The following PRR16 variants were observed in gnomAD, a reference collection of about 807,000 sequenced individuals.
The protein encoded by PRR16 is proline rich 16.
A neutral mutation model predicts 18.2 loss-of-function variants in PRR16; 6 were observed. The observed-to-expected ratio is 0.33, with a 90% CI of 0.18 to 0.65. The LOEUF (loss-of-function observed/expected upper bound fraction) is 0.65. PRR16 is among the 30% of genes least tolerant of loss of function. PRR16 has a pLI of 0.74. For synonymous variants in PRR16, 151 were observed against 147.8 expected (o/e 1.02, Z -0.16); for missense variants, 412 against 376.6 (o/e 1.09, Z -0.78).
intron 1 of PRR16, among the ~76,000 whole-genome samples, chr5:120,564,830 C>T (rs1752685141): frequency 6.6e-6 from 1 of 151,778 alleles, no homozygotes; most frequent in Non-Finnish European, 1.5e-5. Context: ...ACTAAAAATA[C>T]AAAAAATCAG....
intron 1 of PRR16, among the ~76,000 whole-genome samples, chr5:120,567,598 C>T (rs1752777240): frequency 6.6e-6 from 1 of 152,092 alleles, no homozygotes; most frequent in African/African-American, 2.4e-5. Flanking sequence ...TGGGAGGTGA[C>T]TGGATCATGG....
intron 1 of PRR16, among the ~76,000 whole-genome samples, chr5:120,558,791 A>G (rs1752491695): frequency 6.6e-6 from 1 of 151,922 alleles, no homozygotes; most frequent in African/African-American, 2.4e-5. Context: ...CCTTATCTCC[A>G]CATCCTTTCC....
chr5:120,687,775 AAAAGAAAGAGAAGAAATCTTTCC>A (rs1757164493), downstream of PRR16, among the ~76,000 whole-genome samples: 1 of 152,230 alleles, frequency 6.6e-6, no homozygotes, highest in Admixed American at 6.5e-5. Flanking sequence ...GCTGTCTTCT[AAAAGAAAGAGAAGAAATCTTTCC>A]TTCTAACATC....
the PRR16 span, among the ~76,000 whole-genome samples, chr5:120,719,851 G>A: frequency 6.6e-6 from 1 of 151,914 alleles, no homozygotes; most frequent in South Asian, 2.1e-4. Context: ...ATTTATGTTA[G>A]GTGAGAATGA....
At chr5:120,500,118 G>C (rs181281289) in intron 1 of PRR16, among the ~76,000 whole-genome samples, 69 of 152,170 alleles carry the variant, frequency 4.5e-4, no homozygotes, top group African/African-American at 1.5e-3. Flanking sequence ...GTCTTTTGCT[G>C]GTGCACATGA....
chr5:120,758,974 C>CTTT, the PRR16 span, among the ~76,000 whole-genome samples: 105 of 110,346 alleles, frequency 9.5e-4, no homozygotes, highest in Middle Eastern at 7.2e-3. Flanking sequence ...ACCATAATTT[C>CTTT]TTTTTTTTTT....
At chr5:120,740,846 T>C in the PRR16 span, among the ~76,000 whole-genome samples, 2 of 152,162 alleles carry the variant, frequency 1.3e-5, no homozygotes, top group Non-Finnish European at 2.9e-5. Context: ...TTTTTATTTT[T>C]CTGTACTTTA....
At chr5:120,614,895 T>G (rs1309303125) in intron 1 of PRR16, among the ~76,000 whole-genome samples, 1 of 152,190 alleles carries the variant, frequency 6.6e-6, no homozygotes, top group Non-Finnish European at 1.5e-5. Context: ...AGCAGCTTGC[T>G]CTGCTGCTGT....
intron 1 of PRR16, among the ~76,000 whole-genome samples, chr5:120,500,819 A>C (rs781477888): frequency 6.6e-6 from 1 of 152,178 alleles, no homozygotes; most frequent in Non-Finnish European, 1.5e-5. Context: ...AAGCATGACA[A>C]AGTAAATCCA....
At chr5:120,772,037 G>C in the PRR16 span, among the ~76,000 whole-genome samples, 1 of 151,802 alleles carries the variant, frequency 6.6e-6, no homozygotes, top group South Asian at 2.1e-4. Flanking sequence ...TATTTTCCAA[G>C]GATTTTAAAT....
At chr5:120,721,268 G>A in the PRR16 span, among the ~76,000 whole-genome samples, 1 of 151,870 alleles carries the variant, frequency 6.6e-6, no homozygotes, top group Non-Finnish European at 1.5e-5. Context: ...ATCTTAGGGG[G>A]AAACATAATC....
chr5:120,740,227 A>G, the PRR16 span, among the ~76,000 whole-genome samples: 1 of 152,046 alleles, frequency 6.6e-6, no homozygotes, highest in African/African-American at 2.4e-5. Context: ...CTTCTTACTG[A>G]CCCATTCTCT....
At chr5:120,689,759 GTTT>G (rs201079686), downstream of PRR16, among the ~76,000 whole-genome samples, 1 of 144,380 alleles carries the variant, frequency 6.9e-6, no homozygotes, top group Non-Finnish European at 1.5e-5. Flanking sequence ...GGGTGTTTTG[GTTT>G]TTTTTTTTTA....
intron 1 of PRR16, among the ~76,000 whole-genome samples, chr5:120,642,544 G>T (rs62377784): frequency 0.45 from 67,995 of 151,768 alleles, 15,836 homozygotes; most frequent in Middle Eastern, 0.57. Context: ...TTGTTGCTTG[G>T]TATGTAAACT....
chr5:120,477,761 A>G (rs542219126), intron 1 of PRR16, among the ~76,000 whole-genome samples: 1 of 152,000 alleles, frequency 6.6e-6, no homozygotes, highest in African/African-American at 2.4e-5. Context: ...GTCCTCCCCA[A>G]TTTACTACTT....
At chr5:120,536,097 T>G (rs1751708293) in intron 1 of PRR16, among the ~76,000 whole-genome samples, 1 of 152,234 alleles carries the variant, frequency 6.6e-6, no homozygotes, top group Non-Finnish European at 1.5e-5. Context: ...GTTTATAAAA[T>G]ATCACATCAA....
chr5:120,588,666 G>T (rs1336038117), intron 1 of PRR16, among the ~76,000 whole-genome samples: 2 of 152,162 alleles, frequency 1.3e-5, no homozygotes, highest in Non-Finnish European at 2.9e-5. Flanking sequence ...AGAAAAAATA[G>T]TATGGCTCTG....
the PRR16 span, among the ~76,000 whole-genome samples, chr5:120,761,430 ATATC>A: frequency 6.6e-6 from 1 of 152,152 alleles, no homozygotes; most frequent in Non-Finnish European, 1.5e-5. Flanking sequence ...CTCAAAGACT[ATATC>A]TATAAAGAGG....
the PRR16 span, among the ~76,000 whole-genome samples, chr5:120,729,646 A>T: frequency 6.6e-6 from 1 of 152,156 alleles, no homozygotes; most frequent in Non-Finnish European, 1.5e-5. Context: ...TGTTTGACTA[A>T]ATAAATGAAT....
Sources: allele counts gnomAD v4.1 joint callset (sites outside exome capture counted in the v4.1 genomes callset), GRCh38; gene constraint gnomAD v4.1.1; transcripts MANE v1.5; gene names NCBI Gene and HGNC (gene_info 2026-07-23, HGNC 2026-07-21).